Variants in CCDC158 observed in about 807,000 individuals in gnomAD.
CCDC158 encodes the protein coiled-coil domain containing 158.
Under a neutral mutation model 138.6 loss-of-function variants are expected in CCDC158, and 116 were observed. The observed-to-expected ratio is 0.84, with a 90% CI of 0.72 to 0.98. CCDC158 has a LOEUF of 0.98. Among genes scored for constraint, CCDC158 ranks in the 50% least tolerant of loss-of-function variants. CCDC158 has a pLI of 0.00. For missense variants in CCDC158, 1,265 were observed against 1,306.1 expected (o/e 0.97, Z 0.48); for synonymous variants, 436 against 442.4 (o/e 0.99, Z 0.18).
chr4:76,331,541 T>C (rs1721012010), intron 20 of CCDC158, 138 bp from the exon 21 acceptor site: 1 of 680,100 alleles, frequency 1.5e-6, no homozygotes, highest in Non-Finnish European at 2.6e-6. Context: ...AAATAAATCA[T>C]AAACATTAAC....
intron 24 of CCDC158, among the ~76,000 whole-genome samples, chr4:76,315,835 A>G (rs1719331639): frequency 6.6e-6 from 1 of 152,310 alleles, no homozygotes; most frequent in East Asian, 1.9e-4. Flanking sequence ...CGAGTCTGGT[A>G]GCCCTACTGA....
At chr4:76,395,435 A>G (rs1487369524) in intron 4 of CCDC158, among the ~76,000 whole-genome samples, 1 of 152,200 alleles carries the variant, frequency 6.6e-6, no homozygotes, top group Non-Finnish European at 1.5e-5. Context: ...ATACTGCAAT[A>G]AATGTGCACA....
intron 4 of CCDC158, among the ~76,000 whole-genome samples, chr4:76,387,379 T>C (rs1726899379): frequency 1.3e-5 from 2 of 152,086 alleles, no homozygotes; most frequent in South Asian, 4.1e-4. Flanking sequence ...AATCGTTCAT[T>C]ACCTGCTGAC....
chr4:76,413,709 T>G (rs1729477444), intron 1 of CCDC158, among the ~76,000 whole-genome samples: 1 of 151,894 alleles, frequency 6.6e-6, no homozygotes, highest in Non-Finnish European at 1.5e-5. Flanking sequence ...TTGGGTAGAG[T>G]GTTGGACTAG....
chr4:76,348,710 A>G (rs1462720666), intron 18 of CCDC158, among the ~76,000 whole-genome samples: 1 of 152,332 alleles, frequency 6.6e-6, no homozygotes, highest in Non-Finnish European at 1.5e-5. Context: ...AACTTAATTG[A>G]TGGGTTTAAT....
At chr4:76,334,273 A>G in intron 18 of CCDC158, 106 bp from the exon 19 acceptor site, 2 of 1,102,370 alleles carry the variant, frequency 1.8e-6, no homozygotes, top group Non-Finnish European at 2.6e-6. Context: ...AAAAGCAAGA[A>G]GAGGAAAACA....
chr4:76,402,584 T>G (rs996367801), intron 3 of CCDC158, among the ~76,000 whole-genome samples: 5 of 152,192 alleles, frequency 3.3e-5, no homozygotes, highest in Non-Finnish European at 2.9e-5. Context: ...TCAACACCTA[T>G]GTAACCATTC....
chr4:76,349,627 C>T (rs1722870429), intron 18 of CCDC158, among the ~76,000 whole-genome samples: 1 of 152,176 alleles, frequency 6.6e-6, no homozygotes, highest in Non-Finnish European at 1.5e-5. Flanking sequence ...ATGACTGCAC[C>T]ATTGCACTCC....
chr4:76,362,702 T>G (rs1048894286), intron 12 of CCDC158, among the ~76,000 whole-genome samples: 2 of 152,198 alleles, frequency 1.3e-5, no homozygotes, highest in Admixed American at 6.5e-5. Flanking sequence ...GGGCTATGAC[T>G]AGGGTAATGC....
At chr4:76,390,160 G>T (rs78832345) in intron 4 of CCDC158, among the ~76,000 whole-genome samples, 4,477 of 152,182 alleles carry the variant, frequency 0.029, 218 homozygotes, top group African/African-American at 0.1. Flanking sequence ...GCCATAGATA[G>T]TACAATAAGA....
intron 12 of CCDC158, among the ~76,000 whole-genome samples, chr4:76,363,318 A>AACTCT (rs1182651573): frequency 6.6e-6 from 1 of 152,188 alleles, no homozygotes; most frequent in Admixed American, 6.5e-5. Flanking sequence ...TGTCCTGCAT[A>AACTCT]ACTCTACTCG....
intron 4 of CCDC158, among the ~76,000 whole-genome samples, chr4:76,393,585 G>A (rs1299202222): frequency 3.9e-5 from 6 of 151,922 alleles, no homozygotes; most frequent in South Asian, 2.1e-4. Context: ...AAAATTTCTC[G>A]AGTAATACCC....
intron 4 of CCDC158, among the ~76,000 whole-genome samples, chr4:76,394,606 C>T (rs1019343160): frequency 3.9e-5 from 6 of 151,990 alleles, no homozygotes; most frequent in African/African-American, 1.4e-4. Flanking sequence ...TTTAATTGTA[C>T]ATTTTCAAAT....
chr4:76,379,980 G>GTCC (rs769026910), intron 8 of CCDC158, among the ~76,000 whole-genome samples: 4 of 152,112 alleles, frequency 2.6e-5, no homozygotes, highest in African/African-American at 4.8e-5. Context: ...GGTAAGATGT[G>GTCC]TTTGCTTTCC....
At chr4:76,355,988 G>A (rs1723524764) in intron 14 of CCDC158, among the ~76,000 whole-genome samples, 1 of 151,936 alleles carries the variant, frequency 6.6e-6, no homozygotes, top group Non-Finnish European at 1.5e-5. Context: ...TCTCATGATT[G>A]TTGTCATGTG....
intron 24 of CCDC158, among the ~76,000 whole-genome samples, chr4:76,320,661 G>A (rs555082344): frequency 2.6e-5 from 4 of 152,188 alleles, no homozygotes; most frequent in African/African-American, 4.8e-5. Flanking sequence ...ACTGATCTTC[G>A]ACAATGCAAA....
At chr4:76,319,279 A>T (rs1307306543) in intron 24 of CCDC158, among the ~76,000 whole-genome samples, 2 of 149,854 alleles carry the variant, frequency 1.3e-5, no homozygotes, top group African/African-American at 4.9e-5. Context: ...CTTAAAAAAA[A>T]AAAATTAGCT....
chr4:76,340,446 A>G (rs1319190605), intron 18 of CCDC158, among the ~76,000 whole-genome samples: 3 of 152,380 alleles, frequency 2.0e-5, no homozygotes, highest in Non-Finnish European at 2.9e-5. Context: ...TGCAAATGAC[A>G]GTGGCCTTAA....
chr4:76,370,608 A>G (rs973185035), intron 10 of CCDC158, among the ~76,000 whole-genome samples: 3 of 152,188 alleles, frequency 2.0e-5, no homozygotes, highest in African/African-American at 7.2e-5. Flanking sequence ...GCCATGCTTC[A>G]GGCAATGAGT....
Sources: gnomAD v4.1 joint callset for allele counts (sites outside exome capture counted in the v4.1 genomes callset) on GRCh38, gnomAD v4.1.1 for gene constraint, MANE v1.5 for transcripts, NCBI Gene and HGNC (gene_info 2026-07-23, HGNC 2026-07-21) for gene names.